The following UBE2G1 variants were observed in gnomAD, a reference collection of about 807,000 sequenced individuals.
The protein encoded by UBE2G1 is ubiquitin conjugating enzyme E2 G1, also known as ubiquitin-conjugating enzyme E2 G1.
Under a neutral mutation model 22.7 loss-of-function variants are expected in UBE2G1, and 5 were observed. The observed-to-expected ratio is 0.22, with a 90% CI of 0.12 to 0.46. The LOEUF (loss-of-function observed/expected upper bound fraction) is 0.46. Among genes scored for constraint, UBE2G1 ranks in the 20% least tolerant of loss-of-function variants. The probability of loss-of-function intolerance (pLI) is 0.99; values close to 1 mark genes in which losing one functional copy is unlikely to be tolerated. For missense variants in UBE2G1, 88 were observed against 203.9 expected, an observed-to-expected ratio of 0.43 and a Z score of 3.46; for synonymous variants, 74 against 67.5, an observed-to-expected ratio of 1.10 and a Z score of -0.47.
intron 1 of UBE2G1, chr17:4,364,419 A>C (rs1970007562): frequency 7.2e-6 from 1 of 138,104 alleles, no homozygotes; most frequent in Admixed American, 7.6e-5. Context: ...CCTCCCGATT[A>C]GCTGGGACTA....
intron 1 of UBE2G1, among the ~76,000 whole-genome samples, chr17:4,342,467 C>A (rs896663853): frequency 1.3e-5 from 2 of 152,208 alleles, no homozygotes; most frequent in Non-Finnish European, 2.9e-5. Flanking sequence ...GTGGTGCATG[C>A]CTATGGTCCC....
intron 1 of UBE2G1, among the ~76,000 whole-genome samples, chr17:4,343,965 G>C (rs1310953133): frequency 6.6e-6 from 1 of 152,068 alleles, no homozygotes; most frequent in Non-Finnish European, 1.5e-5. Flanking sequence ...AAACTCTGGA[G>C]ACTAAAGCTC....
At chr17:4,283,244 G>A (rs1968915598) in intron 4 of UBE2G1, among the ~76,000 whole-genome samples, 1 of 152,236 alleles carries the variant, frequency 6.6e-6, no homozygotes, top group Non-Finnish European at 1.5e-5. Context: ...CAGGGGCCGT[G>A]GCGCACGTCC....
chr17:4,313,181 G>C (rs980279179), intron 1 of UBE2G1, among the ~76,000 whole-genome samples: 2 of 152,188 alleles, frequency 1.3e-5, no homozygotes, highest in Admixed American at 1.3e-4. Context: ...ATAGAATAGT[G>C]TTTTTTCACA....
chr17:4,350,926 G>A lies in UBE2G1; in HGVS notation c.46+15345C>T, dbSNP rs777608406. Among the ~76,000 whole-genome samples, 4 of 151,710 alleles carry A rather than the reference G, an allele frequency of 2.6e-5. No homozygotes were observed. In the South Asian group the frequency reaches 6.2e-4, roughly 24 times the overall value. On this transcript the variant is annotated intron_variant, in intron 1 of 5. Coordinates refer to ENST00000396981, the MANE Select transcript of UBE2G1 (RefSeq NM_003342.5). ...CAGGCGCCTGTAGTCCCAGCTACTC[G>A]GGAGGCTGAGGCAGGAGAATGGCGT...
intron 1 of UBE2G1, among the ~76,000 whole-genome samples, chr17:4,313,732 T>C (rs1466424422): frequency 2.0e-5 from 3 of 152,158 alleles, no homozygotes; most frequent in African/African-American, 7.2e-5. Context: ...CCGTCCGTAA[T>C]ATGTGCGTAC....
intron 1 of UBE2G1, among the ~76,000 whole-genome samples, chr17:4,348,534 C>G (rs1218659368): frequency 7.5e-6 from 1 of 132,880 alleles, no homozygotes; most frequent in Admixed American, 8.2e-5. Context: ...GCCTGGGCGA[C>G]AGAGCGAGAC....
chr17:4,356,895 ACTT>A (rs1321674379), intron 1 of UBE2G1, among the ~76,000 whole-genome samples: 1 of 152,128 alleles, frequency 6.6e-6, no homozygotes, highest in African/African-American at 2.4e-5. Flanking sequence ...TTTTTTAAAA[ACTT>A]CTTATTCTGA....
intron 1 of UBE2G1, among the ~76,000 whole-genome samples, chr17:4,357,892 G>A (rs1969925459): frequency 6.6e-6 from 1 of 151,726 alleles, no homozygotes; most frequent in East Asian, 1.9e-4. Context: ...TTGAGCCCAG[G>A]AGTTCAAAAC....
chr17:4,358,337 C>G (rs768640067), intron 1 of UBE2G1, among the ~76,000 whole-genome samples: 2 of 152,084 alleles, frequency 1.3e-5, no homozygotes, highest in Non-Finnish European at 2.9e-5. Flanking sequence ...GAAGTCACAG[C>G]TCACTGCCGC....
At chr17:4,316,533 A>C (rs1326941159) in intron 1 of UBE2G1, among the ~76,000 whole-genome samples, 15 of 152,226 alleles carry the variant, frequency 9.9e-5, no homozygotes, top group Non-Finnish European at 1.5e-5. Context: ...GAAAAAAGTC[A>C]AGCATAGCAA....
chr17:4,320,056 AT>A (rs1969420802), intron 1 of UBE2G1, among the ~76,000 whole-genome samples: 1 of 151,848 alleles, frequency 6.6e-6, no homozygotes, highest in South Asian at 2.1e-4. Context: ...CATTGGTCCT[AT>A]TTTTACATTA....
Position 4,366,630 on chromosome 17 carries a change from C to G in UBE2G1, c.-314G>C, listed in dbSNP as rs1487450901. ...GCCCCACCGGTGCCTTCCCCCGCCA[C>G]TGCCTCACTGCGCGCAGGGCCGCTC... On this transcript the variant is annotated 5_prime_UTR_variant, in exon 1 of 6. Transcript: ENST00000396981. 1 of 292,870 alleles carries G rather than the reference C, an allele frequency of 3.4e-6. No individual in the cohort carries two copies. Among genetic ancestry groups the G allele is most frequent in the Non-Finnish European group, 6.4e-6 (1 of 156,766 alleles). The allele number at this position is 292,870 out of a possible 1,614,324, so 18.1% of individuals were successfully genotyped here. A position where few individuals can be genotyped will look rare whatever the true frequency, so the allele number is the denominator to read the frequency against.
At chr17:4,366,131 A>C (rs982657930) in intron 1 of UBE2G1, 140 bp downstream of exon 1, 21 of 848,312 alleles carry the variant, frequency 2.5e-5, no homozygotes, top group Non-Finnish European at 3.3e-5. Context: ...CCCGGCCGGG[A>C]CCGGAGCCTC....
At chr17:4,358,966 T>TA (rs966881436) in intron 1 of UBE2G1, among the ~76,000 whole-genome samples, 73 of 139,176 alleles carry the variant, frequency 5.2e-4, no homozygotes, top group South Asian at 2.0e-3. Context: ...AAAATAAAAT[T>TA]AAAAAAAAAA....
chr17:4,302,462 C>T, intron 2 of UBE2G1: 1 of 496,618 alleles, frequency 2.0e-6, no homozygotes, highest in Non-Finnish European at 4.1e-6. Context: ...CAACTGGGAA[C>T]TGCATATGGC....
intron 5 of UBE2G1, among the ~76,000 whole-genome samples, chr17:4,273,893 G>T (rs956467852): frequency 2.6e-5 from 4 of 152,128 alleles, no homozygotes; most frequent in Admixed American, 2.0e-4. Context: ...ATTCCTCACA[G>T]AGAAGCCAAA....
At chr17:4,340,874 G>A (rs1172589770) in intron 1 of UBE2G1, among the ~76,000 whole-genome samples, 1 of 139,888 alleles carries the variant, frequency 7.1e-6, no homozygotes, top group Non-Finnish European at 1.5e-5. Context: ...TTCCACACCC[G>A]GCCCCTTAAT....
chr17:4,336,668 A>T (rs113299203), intron 1 of UBE2G1, among the ~76,000 whole-genome samples: 7,101 of 152,138 alleles, frequency 0.047, 594 homozygotes, highest in African/African-American at 0.16. Context: ...CTGGGATTAC[A>T]GGCATGCACC....
Sources: allele counts gnomAD v4.1 joint callset (sites outside exome capture counted in the v4.1 genomes callset), GRCh38; gene constraint gnomAD v4.1.1; transcripts MANE v1.5; gene names NCBI Gene and HGNC (gene_info 2026-07-23, HGNC 2026-07-21).